The following AJAP1 variants were observed in gnomAD, a reference collection of about 807,000 sequenced individuals.
The protein encoded by AJAP1 is adherens junctions associated protein 1, also known as adherens junction-associated protein 1.
In AJAP1, 5 loss-of-function variants were observed where a neutral mutation model predicts 35.0. The observed-to-expected ratio is 0.14, with a 90% confidence interval of 0.07 to 0.30. The LOEUF (loss-of-function observed/expected upper bound fraction) is 0.30. Among genes scored for constraint, AJAP1 ranks in the 10% least tolerant of loss-of-function variants. The pLI is 1.00. For missense variants in AJAP1, 586 were observed against 571.0 expected (o/e 1.03, Z -0.27); for synonymous variants, 284 against 249.3 (o/e 1.14, Z -1.31).
chr1:4,768,701 G>A (rs1408959339), intron 2 of AJAP1, among the ~76,000 whole-genome samples: 1 of 152,252 alleles, frequency 6.6e-6, no homozygotes, highest in Admixed American at 6.5e-5. Context: ...GACATGGGGA[G>A]ATGAGTAGGA....
intron 2 of AJAP1, among the ~76,000 whole-genome samples, chr1:4,714,764 A>G (rs1640349552): frequency 6.6e-6 from 1 of 152,202 alleles, no homozygotes; most frequent in South Asian, 2.1e-4. Context: ...CAGGGAAGGG[A>G]ACAGGTGGTT....
rs189326279 is a variant in AJAP1 at position 4,707,163 on chromosome 1, G to A, written c.30-4737G>A. ...CCATGTGCCTGCAGCTCTGGGGGCC[G>A]CTCTGCCTTCCACCCATCCGCCAGG... On this transcript the variant is annotated intron_variant, in intron 1 of 5. Transcript: ENST00000378191. 1.7e-3 allele frequency among the ~76,000 whole-genome samples: 258 copies of A among 152,178 alleles called. 1 individual carries two copies. Among genetic ancestry groups the A allele is most frequent in the African/African-American group, 5.8e-3 (242 of 41,538 alleles).
intron 2 of AJAP1, among the ~76,000 whole-genome samples, chr1:4,745,308 C>T (rs1302985404): frequency 5.9e-5 from 9 of 152,078 alleles, no homozygotes; most frequent in Non-Finnish European, 1.0e-4. Flanking sequence ...GTATGTGTGT[C>T]GAGGTGCACT....
At chr1:4,740,551 C>T (rs1290589054) in intron 2 of AJAP1, among the ~76,000 whole-genome samples, 3 of 151,690 alleles carry the variant, frequency 2.0e-5, no homozygotes, top group East Asian at 1.9e-4. Flanking sequence ...TTTGGGAGGC[C>T]GAGGCGGGCA....
intron 1 of AJAP1, among the ~76,000 whole-genome samples, chr1:4,708,117 G>A (rs777712253): frequency 1.3e-5 from 2 of 151,454 alleles, no homozygotes; most frequent in African/African-American, 2.4e-5. Flanking sequence ...ACAGGTGTAC[G>A]CCACCACACC....
At chr1:4,690,957 A>G (rs1308990923) in intron 1 of AJAP1, among the ~76,000 whole-genome samples, 3 of 152,166 alleles carry the variant, frequency 2.0e-5, no homozygotes, top group Non-Finnish European at 4.4e-5. Flanking sequence ...TCAGCCTCAC[A>G]GAAGGGCAGG....
chr1:4,764,732 C>T (rs868568552), intron 2 of AJAP1, among the ~76,000 whole-genome samples: 27 of 152,362 alleles, frequency 1.8e-4, no homozygotes, highest in Admixed American at 4.6e-4. Context: ...ACAGCAATGT[C>T]ATCTGTTTGC....
At chr1:4,703,206 T>G (rs1442071648) in intron 1 of AJAP1, among the ~76,000 whole-genome samples, 1 of 152,094 alleles carries the variant, frequency 6.6e-6, no homozygotes, top group Non-Finnish European at 1.5e-5. Context: ...GCCGCGAAAG[T>G]GATTCACGGC....
chr1:4,736,331 C>T lies in AJAP1; in HGVS notation c.829+23632C>T, dbSNP rs147510359. 3.5e-4 allele frequency among the ~76,000 whole-genome samples: 53 copies of T among 152,360 alleles called. No homozygotes were observed. The East Asian group carries it at 9.9e-3, about 28-fold the overall frequency. On this transcript the variant is annotated intron_variant, in intron 2 of 5. Coordinates refer to ENST00000378191, the MANE Select transcript of AJAP1 (RefSeq NM_018836.4). The stretch of plus-strand genomic sequence containing the variant: ...CTCTTTTCCAGGCTGTGACCGCCTT[C>T]TCCCTTGGCCTCCTGTTGCCCGCTG...
rs188076461 is a variant in AJAP1, at chr1:4,705,697, A to G, written c.30-6203A>G. Among the ~76,000 whole-genome samples, 78 of 152,148 alleles carry G rather than the reference A, an allele frequency of 5.1e-4. 2 individuals carry two copies. Among genetic ancestry groups the G allele is most frequent in the African/African-American group, 1.8e-3 (75 of 41,516 alleles). On this transcript the variant is annotated intron_variant, in intron 1 of 5. Transcript: ENST00000378191. ...CACGGGACACACTTCAGACCAATCAATCAATGAAGAGGAGCATTCTATGCA... is the reference window on the plus strand; with the variant it reads ...CACGGGACACACTTCAGACCAATCAGTCAATGAAGAGGAGCATTCTATGCA...
chr1:4,674,574 A>G (rs1163003432), intron 1 of AJAP1, among the ~76,000 whole-genome samples: 3 of 152,208 alleles, frequency 2.0e-5, no homozygotes, highest in Non-Finnish European at 4.4e-5. Context: ...GGGCTTTCAT[A>G]TTAGGAGGTC....
intron 2 of AJAP1, among the ~76,000 whole-genome samples, chr1:4,725,752 C>T (rs1458257430): frequency 6.6e-6 from 1 of 152,118 alleles, no homozygotes; most frequent in African/African-American, 2.4e-5. Context: ...AGGGCCGGCT[C>T]CTCCCAAGGC....
rs193151931 is a variant in AJAP1 at position 4,772,653 on chromosome 1, C to T, written c.1163+128C>T. Reference sequence around the variant, plus strand: ...CTTCCCTGAGGTCGCTTTGAGGGGCCCAGCCAAGGCGGACAGCTAATTTGG... The same window carrying T: ...CTTCCCTGAGGTCGCTTTGAGGGGCTCAGCCAAGGCGGACAGCTAATTTGG... On this transcript the variant is annotated intron_variant, in intron 4 of 5. Coordinates refer to ENST00000378191, the MANE Select transcript of AJAP1 (RefSeq NM_018836.4). The T allele has an allele frequency of 8.2e-3, 11,143 of 1,353,108 alleles. 67 individuals carry two copies. The highest frequency in any genetic ancestry group is 9.4e-3 in the Non-Finnish European group (9,443 of 1,006,450). 83.8% of individuals were successfully genotyped at this position (1,353,108 alleles called of 1,614,324 possible). A position where few individuals can be genotyped will look rare whatever the true frequency, so the allele number is the denominator to read the frequency against.
chr1:4,677,472 A>G (rs747416104), intron 1 of AJAP1, among the ~76,000 whole-genome samples: 16 of 152,052 alleles, frequency 1.1e-4, no homozygotes, highest in Admixed American at 2.6e-4. Context: ...GAGGGCTTCC[A>G]CAGGAGCTGG....
At chr1:4,767,621 C>A (rs1641715146) in intron 2 of AJAP1, among the ~76,000 whole-genome samples, 1 of 131,464 alleles carries the variant, frequency 7.6e-6, no homozygotes, top group Non-Finnish European at 1.7e-5. Flanking sequence ...CCATCTTTAT[C>A]ATTACCATCA....
intron 3 of AJAP1, among the ~76,000 whole-genome samples, 153 bp downstream of exon 3, chr1:4,770,093 C>A (rs1008475914): frequency 6.6e-6 from 1 of 152,202 alleles, no homozygotes; most frequent in Admixed American, 6.5e-5. Context: ...CACCGTCCAG[C>A]GCTGCCCTTT....
chr1:4,673,131 A>G (rs1327182552), intron 1 of AJAP1, among the ~76,000 whole-genome samples: 3 of 152,150 alleles, frequency 2.0e-5, no homozygotes, highest in Non-Finnish European at 4.4e-5. Flanking sequence ...AGCCCCACCA[A>G]TGCCTTCATG....
chr1:4,751,692 G>A (rs1641323823), intron 2 of AJAP1, among the ~76,000 whole-genome samples: 1 of 152,220 alleles, frequency 6.6e-6, no homozygotes, highest in South Asian at 2.1e-4. Flanking sequence ...CATCCAAAGA[G>A]CACAGAGGCC....
At chr1:4,773,313 C>T (rs963624856) in intron 4 of AJAP1, among the ~76,000 whole-genome samples, 2 of 152,288 alleles carry the variant, frequency 1.3e-5, no homozygotes, top group African/African-American at 2.4e-5. Flanking sequence ...GGCAAGGTGA[C>T]TGGACTCGAG....
Sources: gnomAD v4.1 joint callset for allele counts (sites outside exome capture counted in the v4.1 genomes callset) on GRCh38, gnomAD v4.1.1 for gene constraint, MANE v1.5 for transcripts, NCBI Gene and HGNC (gene_info 2026-07-23, HGNC 2026-07-21) for gene names.